CCDC88B: variants seen among roughly 807,000 people sequenced by gnomAD.
CCDC88B encodes the protein coiled-coil and HOOK domain protein 88B.
In CCDC88B, 138 loss-of-function variants were observed where a neutral mutation model predicts 183.7. The observed-to-expected ratio is 0.75, with a 90% CI of 0.65 to 0.87. The LOEUF (loss-of-function observed/expected upper bound fraction) is 0.87. Among genes scored for constraint, CCDC88B ranks in the 40% least tolerant of loss-of-function variants. The probability of loss-of-function intolerance (pLI) is 0.00; values close to 1 mark genes in which losing one functional copy is unlikely to be tolerated. For missense variants in CCDC88B, 1,822 were observed against 1,965.6 expected, an observed-to-expected ratio of 0.93 and a Z score of 1.38; for synonymous variants, 835 against 867.5, an observed-to-expected ratio of 0.96 and a Z score of 0.66.
chr11:64,355,527 C>T (rs2036521977), intron 25 of CCDC88B, 33 bp from the exon 26 acceptor site: 2 of 1,610,124 alleles, frequency 1.2e-6, no homozygotes. Context: ...TCCGCACTGG[C>T]CCTGGGCCCA....
chr11:64,353,181 C>T lies in CCDC88B; in HGVS notation c.3628C>T (p.Leu1210=). The T allele has an allele frequency of 1.3e-6, 2 of 1,579,736 alleles. No individual in the cohort carries two copies. Among genetic ancestry groups the T allele is most frequent in the Non-Finnish European group, 1.7e-6 (2 of 1,163,560 alleles). ...ACAGCTGGAGATGCAGAGCCAGCAG[C>T]TGCGCGAGTCCAACCAGCAGCTGGA... The part of the protein sequence containing the change: ...RAQLEMQSQQ[L]RESNQQLDLS... The change falls in exon 21 of 27, where the codon CTG becomes TTG. Residue 1210 remains leucine, a synonymous_variant. Transcript: ENST00000356786.
intron 14 of CCDC88B, among the ~76,000 whole-genome samples, chr11:64,348,488 T>C (rs2036204870): frequency 6.6e-6 from 1 of 152,200 alleles, no homozygotes; most frequent in Non-Finnish European, 1.5e-5. Context: ...CGCTAGTGGC[T>C]GTCAGCCAGC....
In CCDC88B at chr11:64,342,636, C is replaced by A. The variant is rs2035924120; in HGVS notation, c.1018C>A (p.Arg340Ser). 1 of 1,524,440 alleles carries A rather than the reference C, an allele frequency of 6.6e-7. No homozygotes were observed. The highest frequency in any genetic ancestry group is 1.4e-5 in the African/African-American group (1 of 72,312). 94.4% of individuals were successfully genotyped at this position (1,524,440 alleles called of 1,614,324 possible). Residue 340 changes from arginine (R) to serine (S), a missense_variant, in exon 10 of 27, where the codon CGC becomes AGC. Transcript: ENST00000356786. ...PRLQEELRRC[R>S]ERLQAAEAYK... ...CCTGCAGGAGGAGCTGAGGCGCTGC[C>A]GCGAGCGGCTGCAGGCGGCTGAGGC...
intron 1 of CCDC88B, 26 bp from the exon 2 acceptor site, chr11:64,340,581 G>A (rs775115118): frequency 8.8e-6 from 14 of 1,598,112 alleles, no homozygotes; most frequent in African/African-American, 8.0e-5. Flanking sequence ...TCTGCTGGTC[G>A]GCTGACCCCT....
At chr11:64,355,433 C>G in intron 25 of CCDC88B, 33 bp downstream of exon 25, 1 of 1,585,392 alleles carries the variant, frequency 6.3e-7, no homozygotes, top group Non-Finnish European at 8.6e-7. Context: ...CCAGCCAGCC[C>G]CCCAACTCTT....
rs1461951475 is a variant in CCDC88B at position 64,341,424 on chromosome 11, G to A, written c.451G>A (p.Glu151Lys). ...RLLLGASVQC[E>K]HRELFIRHIQ... ...TCCCCTTCCTGTCTCCCCTCAGTGTGAGCACCGGGAACTCTTCATCCGCCA... is the reference window on the plus strand; with the variant it reads ...TCCCCTTCCTGTCTCCCCTCAGTGTAAGCACCGGGAACTCTTCATCCGCCA... The change falls in exon 6 of 27, where the codon GAG becomes AAG. Residue 151 changes from glutamate (E) to lysine (K), a missense_variant. Physicochemically the swap from Glu to Lys is moderately conservative, Grantham distance 56 (BLOSUM62 1). Coordinates refer to ENST00000356786, the MANE Select transcript of CCDC88B (RefSeq NM_032251.6). The A allele has an allele frequency of 6.2e-7, 1 of 1,613,898 alleles. No individual in the cohort carries two copies. The highest frequency in any genetic ancestry group is 8.5e-7 in the Non-Finnish European group (1 of 1,180,028).
At chr11:64,341,229 T>G in intron 4 of CCDC88B, 41 bp from the exon 5 acceptor site, 1 of 1,613,790 alleles carries the variant, frequency 6.2e-7, no homozygotes, top group Non-Finnish European at 8.5e-7. Context: ...CTACTCTACC[T>G]TCCCCGCCCC....
At chr11:64,341,058 G>A (rs1252422913) in intron 3 of CCDC88B, 40 bp downstream of exon 3, 6 of 1,613,800 alleles carry the variant, frequency 3.7e-6, no homozygotes, top group South Asian at 3.3e-5. Context: ...AGGAGGGGAA[G>A]AGGAGCCCCT....
intron 18 of CCDC88B, among the ~76,000 whole-genome samples, 164 bp downstream of exon 18, chr11:64,351,780 ATCC>A (rs2036343234): frequency 6.6e-6 from 1 of 151,508 alleles, no homozygotes. Context: ...ATTTTGCACC[ATCC>A]TCCCTGCCAC....
intron 26 of CCDC88B, chr11:64,356,310 A>G (rs937732095): frequency 6.6e-6 from 1 of 151,998 alleles, no homozygotes; most frequent in Non-Finnish European, 1.5e-5. Context: ...GATTTTTTTC[A>G]TAGTAAGTCT....
Position 64,344,975 on chromosome 11 carries a change from G to A in CCDC88B, c.2434G>A (p.Glu812Lys). Residue 812 changes from glutamate (E) to lysine (K), a missense_variant, in exon 14 of 27, where the codon GAG becomes AAG. By Grantham distance (56) the Glu-to-Lys change is moderately conservative (BLOSUM62 1). Transcript: ENST00000356786. This position sits in a 1 kb window ranked among gnomAD's most constrained non-coding sequence, Gnocchi z 4.5. Reference sequence around the variant, plus strand: ...GCTGGAGTCTGCGTCCCAGGAACGGGAGGCGCTGGTGGAGGCGCTGGCAGC... The same window carrying A: ...GCTGGAGTCTGCGTCCCAGGAACGGAAGGCGCTGGTGGAGGCGCTGGCAGC... ...QELESASQER[E>K]ALVEALAAAG... The A allele has an allele frequency of 6.5e-7, 1 of 1,549,310 alleles. No individual in the cohort carries two copies. Among genetic ancestry groups the A allele is most frequent in the South Asian group, 1.2e-5 (1 of 84,436 alleles).
chr11:64,355,331 G>A lies in CCDC88B; in HGVS notation c.4237G>A (p.Asp1413Asn). The change falls in exon 25 of 27, where the codon GAC becomes AAC. Residue 1413 changes from aspartate to asparagine, a missense_variant. Physicochemically the swap from Asp to Asn is conservative, Grantham distance 23. Coordinates refer to ENST00000356786, the MANE Select transcript of CCDC88B (RefSeq NM_032251.6). ...GRSSESFSPG[D>N]TPRQRFRQRH... ...AAGCTCTGAGTCATTCAGCCCTGGG[G>A]ACACCCCTAGGCAACGATTCCGACA... The A allele has an allele frequency of 6.3e-7, 1 of 1,595,224 alleles. No homozygotes were observed. Among genetic ancestry groups the A allele is most frequent in the South Asian group, 1.1e-5 (1 of 88,628 alleles).
chr11:64,341,142 C>T lies in CCDC88B; in HGVS notation c.352C>T (p.Pro118Ser). 6.2e-7 allele frequency: 1 copy of T among 1,614,132 alleles called. No homozygotes were observed. Among genetic ancestry groups the T allele is most frequent in the South Asian group, 1.1e-5 (1 of 91,086 alleles). ...ELQLLILSPP[P>S]DLQTLGFDPL... ...GCAGCTGCTGATCCTGTCGCCACCC[C>T]CAGACCTCCAGACATTGGGATTTGA... Residue 118 changes from proline to serine, a missense_variant, in exon 4 of 27, where the codon CCA becomes TCA. Pro to Ser is a moderately conservative substitution (Grantham distance 74). Transcript: ENST00000356786.
At position 64,352,137 on chromosome 11, in the gene CCDC88B, A is replaced by T. The variant is rs2036358294; in HGVS notation, c.3107A>T (p.Lys1036Met). 6.4e-7 allele frequency: 1 copy of T among 1,568,520 alleles called. No individual in the cohort carries two copies. Among genetic ancestry groups the T allele is most frequent in the African/African-American group, 1.4e-5 (1 of 73,748 alleles). ...QEHSSRLQAE[K>M]SVLEIQGQEL... Reference sequence around the variant, plus strand: ...TTCCCTCCTCCATCCTAGGCCGAGAAGTCTGTGCTGGAGATTCAGGGCCAG... The same window carrying T: ...TTCCCTCCTCCATCCTAGGCCGAGATGTCTGTGCTGGAGATTCAGGGCCAG... The change falls in exon 19 of 27, where the codon AAG (lysine) becomes ATG (methionine). Residue 1036 changes from lysine to methionine, a missense_variant. Coordinates refer to ENST00000356786, the MANE Select transcript of CCDC88B (RefSeq NM_032251.6).
chr11:64,355,243 G>T lies in CCDC88B; in HGVS notation c.4149G>T (p.Leu1383=). ...PMRRAQSSLC[L]RDETLAGGQR... ...GCCGGGCCCAGAGCTCCCTCTGCCTGCGGGATGAGACCTTGGCAGGCGGGC... is the reference window on the plus strand; with the variant it reads ...GCCGGGCCCAGAGCTCCCTCTGCCTTCGGGATGAGACCTTGGCAGGCGGGC... Residue 1383 remains leucine (L), a synonymous_variant, in exon 25 of 27, where the codon CTG becomes CTT. Transcript: ENST00000356786. The T allele has an allele frequency of 6.5e-7, 1 of 1,536,000 alleles. No individual in the cohort carries two copies. The highest frequency in any genetic ancestry group is 8.7e-7 in the Non-Finnish European group (1 of 1,145,506).
rs759465135 is a variant in CCDC88B at position 64,352,212 on chromosome 11, G to C, written c.3182G>C (p.Arg1061Pro). 2 of 1,606,298 alleles carry C rather than the reference G, an allele frequency of 1.2e-6. No homozygotes were observed. The highest frequency in any genetic ancestry group is 2.7e-5 in the African/African-American group (2 of 74,622). Residue 1061 changes from arginine to proline, a missense_variant, in exon 19 of 27, where the codon CGG (arginine) becomes CCG (proline). By Grantham distance (103) the Arg-to-Pro change is moderately radical. Coordinates refer to ENST00000356786, the MANE Select transcript of CCDC88B (RefSeq NM_032251.6). ...CTGGAGGAGGAGGTGCGGGCGGCACGGCAGTCCCAGGAGGAGACCCGCGGG... is the reference window on the plus strand; with the variant it reads ...CTGGAGGAGGAGGTGCGGGCGGCACCGCAGTCCCAGGAGGAGACCCGCGGG... ...EVLEEEVRAARQSQEETRGQQ... is the reference protein window; with the variant it reads ...EVLEEEVRAAPQSQEETRGQQ...
Position 64,354,047 on chromosome 11 carries a change from C to A in CCDC88B, c.3976C>A (p.Pro1326Thr), listed in dbSNP as rs754831692. ...LADKVKRLMR[P>T]RREGGPPGGL... ...AGACAAGGTGAAGAGGCTGATGCGG[C>A]CCCGGCGGGAGGGGGGCCCCCCTGG... is the stretch of plus-strand genomic sequence containing the variant. Residue 1326 changes from proline to threonine, a missense_variant, in exon 24 of 27, where the codon CCC becomes ACC. By Grantham distance (38) the Pro-to-Thr change is conservative. Transcript: ENST00000356786. 1.4e-6 allele frequency: 2 copies of A among 1,454,188 alleles called. No individual in the cohort carries two copies. Among genetic ancestry groups the A allele is most frequent in the African/African-American group, 2.8e-5 (2 of 70,684 alleles). The allele number at this position is 1,454,188 out of a possible 1,614,324, so 90.1% of individuals were successfully genotyped here.
chr11:64,351,218 A>G lies in CCDC88B; in HGVS notation c.2921A>G (p.Glu974Gly). The G allele has an allele frequency of 6.5e-7, 1 of 1,528,682 alleles. No homozygotes were observed. 94.7% of individuals were successfully genotyped at this position (1,528,682 alleles called of 1,614,324 possible). Residue 974 changes from glutamate to glycine, a missense_variant, in exon 17 of 27, where the codon GAG becomes GGG. Transcript: ENST00000356786. Reference protein sequence around the residue: ...PKKRAEPQLVETQNVRLIEVE... With the variant: ...PKKRAEPQLVGTQNVRLIEVE... ...AAGCGTGCGGAGCCTCAGCTGGTGG[A>G]GACCCAGAATGTGCGGCTTATTGAG...
rs1488252168 is a variant in CCDC88B at position 64,340,683 on chromosome 11, C to T, written c.137C>T (p.Pro46Leu). The T allele has an allele frequency of 3.1e-6, 5 of 1,612,378 alleles. No individual in the cohort carries two copies. Among genetic ancestry groups the T allele is most frequent in the African/African-American group, 2.7e-5 (2 of 74,848 alleles). ...GEEEEEEEEP[P>L]LWLEKRFLRL... is the part of the protein sequence containing the mutation. ...GAAGAGGAAGAGGAGGAAGAGCCGC[C>T]CCTTTGGTTGGAGAAGAGATTCCTG... Residue 46 changes from proline to leucine, a missense_variant, in exon 2 of 27, where the codon CCC (proline) becomes CTC (leucine). By Grantham distance (98) the Pro-to-Leu change is moderately conservative (BLOSUM62 -3). Transcript: ENST00000356786.
Sources: allele counts gnomAD v4.1 joint callset (sites outside exome capture counted in the v4.1 genomes callset), GRCh38; gene constraint gnomAD v4.1.1; non-coding constraint Gnocchi (gnomAD v3.1); transcripts MANE v1.5; gene names NCBI Gene and HGNC (gene_info 2026-07-23, HGNC 2026-07-21).